SHBG: variants seen among roughly 807,000 people sequenced by gnomAD.
SHBG encodes sex hormone binding globulin.
SHBG carries 37 observed loss-of-function variants against 41.9 expected under a neutral mutation model. The ratio of observed to expected loss-of-function variants is 0.88; its 90% confidence interval spans 0.68 to 1.16. The LOEUF (loss-of-function observed/expected upper bound fraction) is 1.16. Among genes scored for constraint, SHBG ranks in the 50% most tolerant of loss-of-function variants. The pLI is 0.00. For synonymous variants in SHBG, 217 were observed against 205.8 expected, an observed-to-expected ratio of 1.05 and a Z score of -0.47; for missense variants, 466 against 499.9, an observed-to-expected ratio of 0.93 and a Z score of 0.65.
chr17:7,633,078 G>T (rs2072472519), intron 7 of SHBG, 119 bp downstream of exon 7: 2 of 1,410,158 alleles, frequency 1.4e-6, no homozygotes, highest in African/African-American at 1.4e-5. Context: ...ACAAGAAGAA[G>T]ATATGGGGGC....
intron 1 of SHBG, among the ~76,000 whole-genome samples, chr17:7,615,499 T>G (rs1269026661): frequency 2.0e-5 from 3 of 152,342 alleles, no homozygotes; most frequent in Admixed American, 2.0e-4. Context: ...TTGAAGAGAT[T>G]GTGATACAAT....
intron 5 of SHBG, 65 bp from the exon 6 acceptor site, chr17:7,631,814 C>T (rs2072426954): frequency 1.2e-6 from 2 of 1,612,684 alleles, no homozygotes; most frequent in Non-Finnish European, 1.7e-6. Flanking sequence ...CCCCCTCTAC[C>T]ACTGGCCCCT....
intron 1 of SHBG, among the ~76,000 whole-genome samples, chr17:7,622,020 T>A: frequency 6.7e-6 from 1 of 149,306 alleles, no homozygotes; most frequent in Admixed American, 6.7e-5. Context: ...TTTTTTTTTG[T>A]ATTTAGTAGA....
rs921724270 is a variant in SHBG at position 7,614,147 on chromosome 17, A to G, written c.-62+36A>G. On this transcript the variant is annotated intron_variant, in intron 1 of 5. Coordinates refer to the SHBG transcript ENST00000570547. ...CACCAGACAACGGACACAGTCAATT[A>G]GAAGCTGGGTAAAGGGGTCTCTCCT... 11 of 609,296 alleles carry G rather than the reference A, an allele frequency of 1.8e-5. No individual in the cohort carries two copies. In the East Asian group the frequency reaches 3.8e-4, roughly 21 times the overall value. 37.7% of individuals were successfully genotyped at this position (609,296 alleles called of 1,614,324 possible).
intron 1 of SHBG, chr17:7,614,877 C>T (rs903943333): frequency 6.4e-6 from 1 of 156,382 alleles, no homozygotes; most frequent in Non-Finnish European, 1.4e-5. Context: ...TCCACCTCCC[C>T]CTGCCACCGC....
intron 1 of SHBG, chr17:7,614,594 G>T: frequency 9.4e-7 from 1 of 1,063,194 alleles, no homozygotes; most frequent in Non-Finnish European, 1.2e-6. Flanking sequence ...AGTGCGGGCC[G>T]GGCCAGGCCC....
chr17:7,632,645 G>C (rs1451456256), intron 6 of SHBG, 107 bp from the exon 7 acceptor site: 3 of 857,322 alleles, frequency 3.5e-6, no homozygotes, highest in Non-Finnish European at 3.9e-6. Flanking sequence ...GTAGGTGGAG[G>C]CATAGCGAAG....
At position 7,631,013 on chromosome 17, in the gene SHBG, A is replaced by T. The variant is rs1336406664; in HGVS notation, c.393+144A>T. 3 of 977,810 alleles carry T rather than the reference A, an allele frequency of 3.1e-6. No homozygotes were observed. The African/African-American group carries it at 4.8e-5, about 16-fold the overall frequency. 60.6% of individuals were successfully genotyped at this position (977,810 alleles called of 1,614,324 possible). ...CCACAAAGTAGCTATTCTTGGCCCC[A>T]TCTTTTCTGATGGGAATTCTAAGGC... On this transcript the variant is annotated intron_variant, in intron 3 of 7. Coordinates refer to ENST00000380450, the MANE Select transcript of SHBG (RefSeq NM_001040.5).
Position 7,630,948 on chromosome 17 carries a change from T to C in SHBG, c.393+79T>C. The C allele has an allele frequency of 7.5e-7, 1 of 1,329,938 alleles. No homozygotes were observed. Among genetic ancestry groups the C allele is most frequent in the Non-Finnish European group, 1.1e-6 (1 of 935,016 alleles). 82.4% of individuals were successfully genotyped at this position (1,329,938 alleles called of 1,614,324 possible). On this transcript the variant is annotated intron_variant, in intron 3 of 7. Coordinates refer to ENST00000380450, the MANE Select transcript of SHBG (RefSeq NM_001040.5). The surrounding 1 kb of genome is among the most constrained non-coding windows in gnomAD (Gnocchi z 4.6). ...GGGAACAAAACCAAGTTATTGGGCA[T>C]CCCTCTACCACTGTCATCTCGTTTA...
upstream of SHBG, chr17:7,626,396 C>T (rs1049007406): frequency 6.2e-7 from 1 of 1,600,140 alleles, no homozygotes; most frequent in Admixed American, 1.7e-5. Context: ...AAGAGTGCTT[C>T]AGCTGATGGG....
In SHBG at chr17:7,632,926, C is replaced by G; in HGVS notation, c.1027C>G (p.Pro343Ala). Residue 343 changes from proline (P) to alanine (A), a missense_variant, in exon 7 of 8, where the codon CCT becomes GCT. By Grantham distance (27) the Pro-to-Ala change is conservative. Transcript: ENST00000380450. ...LAPLLNLWAK[P>A]QGRLFLGALP... ...TCCCCTCCTTAACCTCTGGGCCAAG[C>G]CTCAAGGGCGTCTCTTCCTGGGGGC... 5 of 1,614,126 alleles carry G rather than the reference C, an allele frequency of 3.1e-6. No homozygotes were observed. Among genetic ancestry groups the G allele is most frequent in the Non-Finnish European group, 4.2e-6 (5 of 1,180,012 alleles).
rs766280874 is a variant in SHBG, at chr17:7,631,281, C to T, written c.475C>T (p.Pro159Ser). Residue 159 changes from proline (P) to serine (S), a missense_variant, in exon 4 of 8, where the codon CCC (proline) becomes TCC (serine). By Grantham distance (74) the Pro-to-Ser change is moderately conservative. Transcript: ENST00000380450. ...GCTGCGCCTGAGACAGGTCTCTGGG[C>T]CCCTGACCAGCAAACGCCATCCCAT... ...EVLRLRQVSG[P>S]LTSKRHPIMR... is the part of the protein sequence containing the mutation. 6.2e-7 allele frequency: 1 copy of T among 1,613,302 alleles called. No homozygotes were observed. The highest frequency in any genetic ancestry group is 1.3e-5 in the African/African-American group (1 of 74,998).
At chr17:7,619,577 G>A (rs1399956447) in intron 1 of SHBG, among the ~76,000 whole-genome samples, 2 of 150,924 alleles carry the variant, frequency 1.3e-5, no homozygotes, top group African/African-American at 2.4e-5. Flanking sequence ...ATGGTGGCAT[G>A]CACCTGTAAT....
upstream of SHBG, among the ~76,000 whole-genome samples, chr17:7,628,311 T>G (rs1385033789): frequency 6.6e-6 from 1 of 152,144 alleles, no homozygotes; most frequent in East Asian, 1.9e-4. Context: ...TCGCCCAGGC[T>G]GGGGTGTAGT....
At chr17:7,622,230 C>A (rs1017163) in intron 1 of SHBG, among the ~76,000 whole-genome samples, 4 of 151,428 alleles carry the variant, frequency 2.6e-5, no homozygotes, top group Non-Finnish European at 1.5e-5. Flanking sequence ...AACCCAGGCC[C>A]TTTTCACCCC....
chr17:7,625,219 G>C (rs1012086502), upstream of SHBG, among the ~76,000 whole-genome samples: 3 of 151,846 alleles, frequency 2.0e-5, no homozygotes, highest in Non-Finnish European at 4.4e-5. Flanking sequence ...AAACTGCTGG[G>C]ATCACAGGCA....
chr17:7,626,852 A>G (rs1470541773), upstream of SHBG: 3 of 1,608,522 alleles, frequency 1.9e-6, no homozygotes, highest in African/African-American at 1.3e-5. Context: ...GGGATCAGAA[A>G]ATGACACCGG....
upstream of SHBG, among the ~76,000 whole-genome samples, chr17:7,623,036 C>CAA (rs34479809): frequency 7.6e-5 from 10 of 131,180 alleles, no homozygotes; most frequent in Non-Finnish European, 1.6e-5. Flanking sequence ...GACTCCGTCT[C>CAA]AAAAAAAAAA....
upstream of SHBG, among the ~76,000 whole-genome samples, chr17:7,628,477 C>T (rs2072296514): frequency 2.0e-5 from 3 of 148,748 alleles, no homozygotes; most frequent in Admixed American, 2.0e-4. Flanking sequence ...AACGGATTCT[C>T]ACTCTGTCAC....
Sources: allele counts gnomAD v4.1 joint callset (sites outside exome capture counted in the v4.1 genomes callset), GRCh38; gene constraint gnomAD v4.1.1; non-coding constraint Gnocchi (gnomAD v3.1); transcripts MANE v1.5; gene names NCBI Gene and HGNC (gene_info 2026-07-23, HGNC 2026-07-21).